ACACA: variants seen among roughly 807,000 people sequenced by gnomAD.
ACACA encodes acetyl-CoA carboxylase 1.
A neutral mutation model predicts 296.1 loss-of-function variants in ACACA; 103 were observed. The observed-to-expected ratio is 0.35, with a 90% CI of 0.30 to 0.41. ACACA has a LOEUF of 0.41. Among genes scored for constraint, ACACA ranks in the 10% least tolerant of loss-of-function variants. ACACA has a pLI of 1.00. For synonymous variants in ACACA, 953 were observed against 1,038.6 expected, an observed-to-expected ratio of 0.92 and a Z score of 1.58; for missense variants, 1,554 against 2,989.7, an observed-to-expected ratio of 0.52 and a Z score of 11.20.
At chr17:37,222,831 G>C (rs892790771) in intron 28 of ACACA, among the ~76,000 whole-genome samples, 5 of 152,198 alleles carry the variant, frequency 3.3e-5, no homozygotes, top group Non-Finnish European at 7.3e-5. Flanking sequence ...CAACTTTACA[G>C]TGGTATTCAG....
intron 41 of ACACA, among the ~76,000 whole-genome samples, chr17:37,176,032 T>C (rs1467495780): frequency 6.6e-6 from 1 of 152,164 alleles, no homozygotes; most frequent in East Asian, 1.9e-4. Flanking sequence ...TAAAACTAAA[T>C]GGAACTGAAT....
intron 1 of ACACA, chr17:37,377,914 C>T: frequency 6.2e-7 from 1 of 1,613,648 alleles, no homozygotes; most frequent in Non-Finnish European, 8.5e-7. Context: ...GGAACAGCTG[C>T]CTGGGATCTT....
At chr17:37,363,228 G>T (rs1222127076) in intron 1 of ACACA, among the ~76,000 whole-genome samples, 4 of 129,126 alleles carry the variant, frequency 3.1e-5, no homozygotes, top group Non-Finnish European at 4.7e-5. Context: ...TGTCACCCAG[G>T]CTGGAGTGCA....
chr17:37,160,446 A>G (rs1250711856), intron 42 of ACACA, among the ~76,000 whole-genome samples: 1 of 152,178 alleles, frequency 6.6e-6, no homozygotes, highest in Non-Finnish European at 1.5e-5. Flanking sequence ...GAAAATTGGG[A>G]AGCAAGGTCT....
intron 40 of ACACA, among the ~76,000 whole-genome samples, chr17:37,180,138 T>C (rs2077264442): frequency 6.6e-6 from 1 of 152,226 alleles, no homozygotes; most frequent in African/African-American, 2.4e-5. Context: ...AATCACTGTG[T>C]TTATGCCTAT....
intron 39 of ACACA, among the ~76,000 whole-genome samples, chr17:37,183,044 A>G (rs745306758): frequency 6.6e-6 from 1 of 152,192 alleles, no homozygotes; most frequent in African/African-American, 2.4e-5. Context: ...AAGAGATTCA[A>G]AGTGTTAAGT....
At chr17:37,286,240 CA>C (rs2082766907) in intron 3 of ACACA, among the ~76,000 whole-genome samples, 1 of 152,116 alleles carries the variant, frequency 6.6e-6, no homozygotes, top group Admixed American at 6.6e-5. Context: ...GTGTTTCTAA[CA>C]ATCAATGGCA....
intron 45 of ACACA, among the ~76,000 whole-genome samples, chr17:37,140,233 T>C (rs1023986382): frequency 6.6e-6 from 1 of 152,190 alleles, no homozygotes; most frequent in African/African-American, 2.4e-5. Context: ...CCACTTGTGA[T>C]TGTGAACAAC....
At position 37,339,909 on chromosome 17, in the gene ACACA, T is replaced by G. The variant is rs999197760; in HGVS notation, c.39-59A>C. 3 of 887,376 alleles carry G rather than the reference T, an allele frequency of 3.4e-6. No individual in the cohort carries two copies. In the Admixed American group the frequency reaches 6.0e-5, roughly 18 times the overall value. The allele number at this position is 887,376 out of a possible 1,614,324, so 55.0% of individuals were successfully genotyped here. On this transcript the variant is annotated intron_variant, in intron 1 of 55. Coordinates refer to ENST00000616317, the MANE Select transcript of ACACA (RefSeq NM_198834.3). ...TTTTTAAGAAACAAACTTTTGTCAATTCCTGTTTTGCTCAGCATAATACAA... is the reference window on the plus strand; with the variant it reads ...TTTTTAAGAAACAAACTTTTGTCAAGTCCTGTTTTGCTCAGCATAATACAA...
chr17:37,235,071 G>A lies in ACACA; in HGVS notation c.3150C>T (p.Leu1050=). Residue 1050 remains leucine, a synonymous_variant, in exon 25 of 56, where the codon CTC becomes CTT. Coordinates refer to ENST00000616317, the MANE Select transcript of ACACA (RefSeq NM_198834.3). ...TCATGTCACTTTTATTCTCTTCTCGGAGGGCGAATACACATTTGTCATAGT... is the reference window on the plus strand; with the variant it reads ...TCATGTCACTTTTATTCTCTTCTCGAAGGGCGAATACACATTTGTCATAGT... ...NGHYDKCVFA[L]REENKSDMNT... 2 of 1,613,602 alleles carry A rather than the reference G, an allele frequency of 1.2e-6. No homozygotes were observed. The highest frequency in any genetic ancestry group is 1.7e-6 in the Non-Finnish European group (2 of 1,179,918).
At chr17:37,309,303 G>A (rs2084023531) in intron 3 of ACACA, among the ~76,000 whole-genome samples, 1 of 152,144 alleles carries the variant, frequency 6.6e-6, no homozygotes, top group Admixed American at 6.6e-5. Flanking sequence ...TGGGATTACA[G>A]GCATGAGCCA....
At chr17:37,316,302 T>TACACACACAC (rs10533479) in intron 3 of ACACA, among the ~76,000 whole-genome samples, 22,779 of 142,282 alleles carry the variant, frequency 0.16, 1,893 homozygotes, top group Admixed American at 0.23. Flanking sequence ...TACCCTTACA[T>TACACACACAC]ACACACACAC....
chr17:37,117,636 C>A (rs2074319417), intron 50 of ACACA, among the ~76,000 whole-genome samples: 1 of 152,064 alleles, frequency 6.6e-6, no homozygotes, highest in African/African-American at 2.4e-5. Context: ...AAATATTCAG[C>A]CAGTTTTTAT....
intron 45 of ACACA, among the ~76,000 whole-genome samples, chr17:37,144,779 G>T (rs2075741861): frequency 6.6e-6 from 1 of 151,772 alleles, no homozygotes; most frequent in Non-Finnish European, 1.5e-5. Flanking sequence ...GGAAATAGGG[G>T]CCTGATCTCG....
At position 37,204,748 on chromosome 17, in the gene ACACA, T is replaced by A. The variant is rs73982266; in HGVS notation, c.4056+1017A>T. Among the ~76,000 whole-genome samples the A allele has an allele frequency of 1.1e-3, 169 of 152,302 alleles. 1 individual carries two copies. Among genetic ancestry groups the A allele is most frequent in the African/African-American group, 4.0e-3 (166 of 41,568 alleles). ...AAAGAAGTATAATAAATGAGGCACA[T>A]TAGACAATGAACACAGGTCTTTTCA... On this transcript the variant is annotated intron_variant, in intron 33 of 55. Transcript: ENST00000616317.
At position 37,226,381 on chromosome 17, in the gene ACACA, G is replaced by A. The variant is rs780302872; in HGVS notation, c.3318C>T (p.Leu1106=). 2 of 1,614,180 alleles carry A rather than the reference G, an allele frequency of 1.2e-6. No individual in the cohort carries two copies. Among genetic ancestry groups the A allele is most frequent in the South Asian group, 2.2e-5 (2 of 91,080 alleles). ...CTACTTTGGCATTGGTGGTCTTACT[G>A]AGTTGAGTTAGCTCTGTGAGAATAT... is the stretch of plus-strand genomic sequence containing the variant. The part of the protein sequence containing the change: ...LLNILTELTQ[L]SKTTNAKVAL... The change falls in exon 26 of 56, where the codon CTC becomes CTT. Residue 1106 remains leucine (L), a synonymous_variant. Coordinates refer to ENST00000616317, the MANE Select transcript of ACACA (RefSeq NM_198834.3).
chr17:37,336,720 T>C (rs2048135371), intron 2 of ACACA, among the ~76,000 whole-genome samples: 1 of 152,180 alleles, frequency 6.6e-6, no homozygotes, highest in African/African-American at 2.4e-5. Context: ...CAATTGTGAT[T>C]TTGAAGTGCT....
intron 21 of ACACA, 112 bp from the exon 22 acceptor site, chr17:37,243,671 C>T (rs2145967245): frequency 8.9e-7 from 1 of 1,127,954 alleles, no homozygotes; most frequent in East Asian, 2.4e-5. Flanking sequence ...AACCACCACT[C>T]ATATATGAAA....
At chr17:37,404,754 T>G (rs1362603132) in intron 1 of ACACA, among the ~76,000 whole-genome samples, 2 of 151,852 alleles carry the variant, frequency 1.3e-5, no homozygotes, top group Non-Finnish European at 2.9e-5. Context: ...TTTTTTGTAT[T>G]TTTAGTAGAG....
Sources: allele counts gnomAD v4.1 joint callset (sites outside exome capture counted in the v4.1 genomes callset), GRCh38; gene constraint gnomAD v4.1.1; transcripts MANE v1.5; gene names NCBI Gene and HGNC (gene_info 2026-07-23, HGNC 2026-07-21).